The following SLC38A1 variants were observed in gnomAD, a reference collection of about 807,000 sequenced individuals.
SLC38A1 encodes solute carrier family 38 member 1.
SLC38A1 carries 18 observed loss-of-function variants against 60.3 expected under a neutral mutation model. That is an observed-to-expected ratio of 0.30 (90% CI 0.21 to 0.44). The LOEUF is 0.44. SLC38A1 is among the 20% of genes least tolerant of loss of function. The probability of loss-of-function intolerance (pLI) is 1.00; values close to 1 mark genes in which losing one functional copy is unlikely to be tolerated. For missense variants in SLC38A1, 448 were observed against 587.2 expected, an observed-to-expected ratio of 0.76 and a Z score of 2.45; for synonymous variants, 196 against 212.1, an observed-to-expected ratio of 0.92 and a Z score of 0.66.
At chr12:46,229,909 T>C (rs895004063) in intron 3 of SLC38A1, among the ~76,000 whole-genome samples, 3 of 152,174 alleles carry the variant, frequency 2.0e-5, no homozygotes, top group Admixed American at 6.5e-5. Flanking sequence ...CACTCTACCT[T>C]GTACAAAACA....
chr12:46,261,373 C>T (rs900761818), intron 1 of SLC38A1, among the ~76,000 whole-genome samples: 1 of 152,184 alleles, frequency 6.6e-6, no homozygotes, highest in Admixed American at 6.5e-5. Context: ...CAAGGGGGCT[C>T]ATATTTCAGT....
intron 5 of SLC38A1, among the ~76,000 whole-genome samples, chr12:46,222,020 G>C (rs1940679589): frequency 6.6e-6 from 1 of 152,118 alleles, no homozygotes; most frequent in South Asian, 2.1e-4. Flanking sequence ...AAAAGGGAAG[G>C]TTAGTGTGGC....
In SLC38A1 at chr12:46,268,704, A is replaced by T; in HGVS notation, c.-387T>A. 1 of 285,320 alleles carries T rather than the reference A, an allele frequency of 3.5e-6. No homozygotes were observed. The highest frequency in any genetic ancestry group is 7.5e-6 in the Non-Finnish European group (1 of 132,508). The allele number at this position is 285,320 out of a possible 1,614,324, so 17.7% of individuals were successfully genotyped here. The stretch of plus-strand genomic sequence containing the variant: ...CTTGGCGTGGCCTGGCGGATTTCGG[A>T]GGAAGGTGAAGGGCGGAGGCTCCTG... On this transcript the variant is annotated 5_prime_UTR_variant, in exon 1 of 17. Transcript: ENST00000398637. The surrounding 1 kb of genome is among the most constrained non-coding windows in gnomAD (Gnocchi z 4.4).
chr12:46,195,853 C>G lies in SLC38A1; in HGVS notation c.1362+1867G>C, dbSNP rs1226925518. On this transcript the variant is annotated intron_variant, in intron 16 of 16. Transcript: ENST00000398637. ...AGTGTACCGTTTCTCCAGTTACAGT[C>G]TGTCATGGCTTCCCTTGGCTGGGAA... 1.6e-5 allele frequency: 5 copies of G among 318,556 alleles called. No individual in the cohort carries two copies. In the East Asian group the frequency reaches 3.6e-4, roughly 23 times the overall value. 19.7% of individuals were successfully genotyped at this position (318,556 alleles called of 1,614,324 possible).
chr12:46,266,595 C>T (rs1942360735), intron 1 of SLC38A1, among the ~76,000 whole-genome samples: 4 of 151,872 alleles, frequency 2.6e-5, no homozygotes, highest in Admixed American at 1.3e-4. Context: ...GCATCCTCCC[C>T]CATCACATGA....
intron 16 of SLC38A1, among the ~76,000 whole-genome samples, chr12:46,197,084 T>C (rs1164553260): frequency 1.3e-5 from 2 of 152,204 alleles, no homozygotes; most frequent in Non-Finnish European, 2.9e-5. Context: ...CCCTCGTCAC[T>C]TCCTCTCTTG....
chr12:46,184,549 C>G lies in SLC38A1; in HGVS notation c.*4421G>C, dbSNP rs1488890926. On this transcript the variant is annotated 3_prime_UTR_variant, in exon 17 of 17. Coordinates refer to ENST00000398637, the MANE Select transcript of SLC38A1 (RefSeq NM_030674.4). ...TCTGATCATATTCCTGACCTCCCCC[C>G]GACTCCAACTAAATGTGCCATAGTC... is the stretch of plus-strand genomic sequence containing the variant. The G allele has an allele frequency of 6.6e-6, 1 of 152,140 alleles. No individual in the cohort carries two copies. The highest frequency in any genetic ancestry group is 1.5e-5 in the Non-Finnish European group (1 of 68,032). The allele number at this position is 152,140 out of a possible 1,614,324, so 9.4% of individuals were successfully genotyped here.
intron 3 of SLC38A1, among the ~76,000 whole-genome samples, chr12:46,232,302 A>G (rs976515116): frequency 2.6e-5 from 4 of 152,222 alleles, no homozygotes; most frequent in African/African-American, 9.6e-5. Context: ...GCAGATTAAG[A>G]TGAGGTAAGG....
At position 46,206,271 on chromosome 12, in the gene SLC38A1, A is replaced by C. The variant is rs1357017861; in HGVS notation, c.564-109T>G. ...ATATATATTTTTATTAATTTTTACTATATGCATTAATTTTTAAAATCATTA... is the reference window on the plus strand; with the variant it reads ...ATATATATTTTTATTAATTTTTACTCTATGCATTAATTTTTAAAATCATTA... On this transcript the variant is annotated intron_variant, in intron 8 of 16. Coordinates refer to ENST00000398637, the MANE Select transcript of SLC38A1 (RefSeq NM_030674.4). 20 of 557,074 alleles carry C rather than the reference A, an allele frequency of 3.6e-5. No individual in the cohort carries two copies. In the South Asian group the frequency reaches 5.7e-4, roughly 16 times the overall value. The allele number at this position is 557,074 out of a possible 1,614,324, so 34.5% of individuals were successfully genotyped here.
At chr12:46,209,588 T>A (rs1203272071) in intron 5 of SLC38A1, among the ~76,000 whole-genome samples, 9 of 152,176 alleles carry the variant, frequency 5.9e-5, no homozygotes, top group Admixed American at 5.9e-4. Flanking sequence ...GCCCATAATA[T>A]AAAGATACAA....
At chr12:46,240,382 A>C (rs754137816) in intron 2 of SLC38A1, among the ~76,000 whole-genome samples, 1 of 152,132 alleles carries the variant, frequency 6.6e-6, no homozygotes, top group Non-Finnish European at 1.5e-5. Context: ...TTTTTAGTAG[A>C]GACAGGTTTC....
chr12:46,253,834 T>C (rs1395033520), intron 1 of SLC38A1, among the ~76,000 whole-genome samples: 1 of 152,176 alleles, frequency 6.6e-6, no homozygotes, highest in Admixed American at 6.5e-5. Context: ...TAGTAACTTC[T>C]TCAGGCTGAA....
chr12:46,189,486 TTC>T (rs1340509387), intron 16 of SLC38A1, among the ~76,000 whole-genome samples: 1 of 152,180 alleles, frequency 6.6e-6, no homozygotes. Flanking sequence ...AAGCAAACAT[TTC>T]TGTTTGAAAA....
chr12:46,237,955 C>T (rs1229546467), intron 3 of SLC38A1, among the ~76,000 whole-genome samples: 1 of 151,722 alleles, frequency 6.6e-6, no homozygotes, highest in Non-Finnish European at 1.5e-5. Context: ...TAGCTTTTTA[C>T]CAATGCCCAA....
intron 5 of SLC38A1, among the ~76,000 whole-genome samples, chr12:46,223,838 A>G (rs1483009515): frequency 6.6e-6 from 1 of 152,188 alleles, no homozygotes; most frequent in Non-Finnish European, 1.5e-5. Context: ...AAAAATAATA[A>G]TACATGTTAA....
intron 5 of SLC38A1, among the ~76,000 whole-genome samples, chr12:46,222,047 T>C (rs1470464167): frequency 7.2e-5 from 11 of 152,200 alleles, no homozygotes; most frequent in Non-Finnish European, 7.4e-5. Flanking sequence ...TGAGGTCATC[T>C]GAAGGGAAAA....
chr12:46,207,300 A>C, intron 7 of SLC38A1, 64 bp from the exon 8 acceptor site: 1 of 1,410,540 alleles, frequency 7.1e-7, no homozygotes, highest in East Asian at 2.3e-5. Context: ...AGCTACATAA[A>C]AAGTTATCAG....
chr12:46,200,384 T>TAC (rs1459198296), intron 13 of SLC38A1, among the ~76,000 whole-genome samples: 3 of 151,576 alleles, frequency 2.0e-5, no homozygotes, highest in Non-Finnish European at 2.9e-5. Context: ...TATATATATA[T>TAC]ACACACACAT....
Position 46,211,639 on chromosome 12 carries a change from C to T in SLC38A1, c.315-2512G>A, listed in dbSNP as rs573730966. Among the ~76,000 whole-genome samples, 12 of 152,308 alleles carry T rather than the reference C, an allele frequency of 7.9e-5. No homozygotes were observed. In the South Asian group the frequency reaches 2.1e-3, roughly 26 times the overall value. ...TGAGCATCATAAACTGCTATCCCCCCTTTTCAAGCCGGAGAAAAGTGTTGA... is the reference window on the plus strand; with the variant it reads ...TGAGCATCATAAACTGCTATCCCCCTTTTTCAAGCCGGAGAAAAGTGTTGA... On this transcript the variant is annotated intron_variant, in intron 5 of 16. Transcript: ENST00000398637.
Sources: allele counts gnomAD v4.1 joint callset (sites outside exome capture counted in the v4.1 genomes callset), GRCh38; gene constraint gnomAD v4.1.1; non-coding constraint Gnocchi (gnomAD v3.1); transcripts MANE v1.5; gene names NCBI Gene and HGNC (gene_info 2026-07-23, HGNC 2026-07-21).